DGKB: variants seen among roughly 807,000 people sequenced by gnomAD.
DGKB encodes 90 kDa diacylglycerol kinase.
A neutral mutation model predicts 114.3 loss-of-function variants in DGKB; 67 were observed. That is an observed-to-expected ratio of 0.59 (90% confidence interval 0.48 to 0.72). The LOEUF (loss-of-function observed/expected upper bound fraction) is 0.72, where lower values mean the gene tolerates loss of function less well. Among genes scored for constraint, DGKB ranks in the 30% least tolerant of loss-of-function variants. DGKB has a pLI of 0.00. For synonymous variants in DGKB, 398 were observed against 323.1 expected, an observed-to-expected ratio of 1.23 and a Z score of -2.49; for missense variants, 907 against 975.2, an observed-to-expected ratio of 0.93 and a Z score of 0.93.
At chr7:14,907,268 A>T (rs1374675448), upstream of DGKB, among the ~76,000 whole-genome samples, 1 of 152,194 alleles carries the variant, frequency 6.6e-6, no homozygotes, top group Admixed American at 6.5e-5. Context: ...AACAAAATAG[A>T]TCACCATCAC....
chr7:14,617,614 T>A (rs907665456), intron 15 of DGKB, among the ~76,000 whole-genome samples: 11 of 151,588 alleles, frequency 7.3e-5, no homozygotes, highest in African/African-American at 2.7e-4. Context: ...CCCACCAATA[T>A]CTTCTCATCA....
At chr7:14,324,002 A>C (rs993944090) in intron 23 of DGKB, among the ~76,000 whole-genome samples, 8 of 152,218 alleles carry the variant, frequency 5.3e-5, no homozygotes, top group African/African-American at 1.7e-4. Flanking sequence ...TGTTTTGTCC[A>C]TCCTACACAA....
chr7:14,863,822 G>A (rs1473257272), intron 1 of DGKB, among the ~76,000 whole-genome samples: 2 of 151,990 alleles, frequency 1.3e-5, no homozygotes, highest in Admixed American at 1.3e-4. Flanking sequence ...AATGGAGGCC[G>A]GGTGTGGTGG....
At chr7:14,355,737 T>C (rs78713675) in intron 21 of DGKB, among the ~76,000 whole-genome samples, 1 of 151,454 alleles carries the variant, frequency 6.6e-6, no homozygotes, top group Admixed American at 6.6e-5. Flanking sequence ...TCTAAAATTC[T>C]TTTTTTTTGT....
At chr7:14,793,499 G>T (rs1404210252) in intron 2 of DGKB, among the ~76,000 whole-genome samples, 6 of 152,034 alleles carry the variant, frequency 3.9e-5, no homozygotes, top group Non-Finnish European at 8.8e-5. Context: ...TGAGCCTCAG[G>T]ATCTTCAGCT....
chr7:14,252,331 T>C (rs1435250649), intron 23 of DGKB, among the ~76,000 whole-genome samples: 2 of 152,212 alleles, frequency 1.3e-5, no homozygotes, highest in Non-Finnish European at 2.9e-5. Context: ...TCCTTAGGGT[T>C]GGTTACTGGT....
chr7:14,158,776 G>T (rs1219073178), intron 25 of DGKB, among the ~76,000 whole-genome samples: 1 of 152,004 alleles, frequency 6.6e-6, no homozygotes, highest in East Asian at 1.9e-4. Flanking sequence ...GTTTTTTCAG[G>T]TCCTCCTGTT....
intron 17 of DGKB, among the ~76,000 whole-genome samples, chr7:14,591,361 A>G (rs986892867): frequency 6.6e-6 from 1 of 152,138 alleles, no homozygotes; most frequent in Non-Finnish European, 1.5e-5. Flanking sequence ...TATTTGCACC[A>G]TTTTATTAAT....
rs748133152 is a variant in DGKB, at chr7:14,682,805, C to T, written c.866G>A (p.Arg289Gln). 1.2e-5 allele frequency: 20 copies of T among 1,602,200 alleles called. No individual in the cohort carries two copies. Among genetic ancestry groups the T allele is most frequent in the East Asian group, 2.3e-5 (1 of 44,286 alleles). Residue 289 changes from arginine to glutamine, a missense_variant, in exon 11 of 26, where the codon CGA becomes CAA. Around this residue, in one of 3 missense-constraint regions of DGKB, gnomAD observed 814 missense variants for 856.6 expected, o/e 0.95. Transcript: ENST00000402815. ...KYTVHERCVA[R>Q]APPSCIKTYV... ...GGTCTTGATGCAAGAGGGAGGTGCT[C>T]GAGCCACACAGCGCTCATGGACTGT...
chr7:14,416,282 GT>G (rs1260807789), intron 21 of DGKB, among the ~76,000 whole-genome samples: 2 of 151,862 alleles, frequency 1.3e-5, no homozygotes, highest in Non-Finnish European at 2.9e-5. Flanking sequence ...AAATTTCTAT[GT>G]TTTTTTCAGT....
intron 21 of DGKB, among the ~76,000 whole-genome samples, chr7:14,366,492 C>T (rs2128641102): frequency 6.6e-6 from 1 of 152,194 alleles, no homozygotes; most frequent in South Asian, 2.1e-4. Context: ...TGGCATTTGA[C>T]CTATGGGAAG....
chr7:14,593,964 C>A (rs1802123101), intron 17 of DGKB, among the ~76,000 whole-genome samples: 1 of 151,994 alleles, frequency 6.6e-6, no homozygotes, highest in Admixed American at 6.6e-5. Context: ...GCCTTTCATG[C>A]CTTATTTCTG....
chr7:14,952,537 C>G (rs1436256388), intron 1 of DGKB, among the ~76,000 whole-genome samples: 2 of 146,134 alleles, frequency 1.4e-5, no homozygotes, highest in Non-Finnish European at 3.0e-5. Flanking sequence ...TTGAAATAAT[C>G]CTCAAAATTA....
At chr7:14,466,474 G>A (rs1476402236) in intron 21 of DGKB, among the ~76,000 whole-genome samples, 4 of 152,126 alleles carry the variant, frequency 2.6e-5, no homozygotes, top group African/African-American at 7.2e-5. Context: ...TTTAAACACA[G>A]TGACAGGCCT....
chr7:14,192,595 C>T lies in DGKB; in HGVS notation c.2123-14444G>A, dbSNP rs539659685. Among the ~76,000 whole-genome samples, 50 of 152,178 alleles carry T rather than the reference C, an allele frequency of 3.3e-4. 1 individual carries two copies. The highest frequency in any genetic ancestry group is 1.5e-3 in the South Asian group (7 of 4,820). On this transcript the variant is annotated intron_variant, in intron 23 of 25. Transcript: ENST00000402815. ...ATAACTATAATATTCTTCAGAGCAG[C>T]GGTCCTCAATGTTTTTGGCACCAGG...
intron 1 of DGKB, among the ~76,000 whole-genome samples, chr7:14,863,930 T>C (rs1851344486): frequency 6.6e-6 from 1 of 151,926 alleles, no homozygotes; most frequent in East Asian, 1.9e-4. Flanking sequence ...AGAAACCCCA[T>C]CTCTACTAAA....
intron 1 of DGKB, among the ~76,000 whole-genome samples, chr7:14,901,605 A>ACCCCCCCCCCCCCCCCCCTC (rs1300363624): frequency 8.1e-6 from 1 of 123,094 alleles, no homozygotes; most frequent in African/African-American, 3.1e-5. Flanking sequence ...AGGGATTTCC[A>ACCCCCCCCCCCCCCCCCCTC]CCCCCCCCCA....
At chr7:14,678,703 T>C (rs1046508264) in intron 12 of DGKB, among the ~76,000 whole-genome samples, 5 of 152,040 alleles carry the variant, frequency 3.3e-5, no homozygotes, top group East Asian at 1.9e-4. Flanking sequence ...AGAAGATCTT[T>C]CTGGAGGTGG....
chr7:14,328,377 T>A (rs1809124121), intron 23 of DGKB, among the ~76,000 whole-genome samples: 1 of 152,060 alleles, frequency 6.6e-6, no homozygotes. Context: ...TAGCAGCTGA[T>A]TTTTTATTAA....
Sources: gnomAD v4.1 joint callset for allele counts (sites outside exome capture counted in the v4.1 genomes callset) on GRCh38, gnomAD v4.1.1 for gene constraint, gnomAD v4.1.1 regional missense constraint, MANE v1.5 for transcripts, NCBI Gene and HGNC (gene_info 2026-07-23, HGNC 2026-07-21) for gene names.